CHST11: variants seen among roughly 807,000 people sequenced by gnomAD.
CHST11 encodes C4S-1.
In CHST11, 9 loss-of-function variants were observed where a neutral mutation model predicts 30.4. The ratio of observed to expected loss-of-function variants is 0.30; its 90% CI spans 0.18 to 0.52. The LOEUF is 0.52. Ranked by LOEUF, CHST11 falls within the 20% of genes least tolerant of loss-of-function variation. The pLI, the probability that CHST11 is intolerant of heterozygous loss-of-function variation, is 0.97. For missense variants in CHST11, 348 were observed against 460.6 expected (o/e 0.76, Z 2.24); for synonymous variants, 152 against 187.8 (o/e 0.81, Z 1.56).
rs2040511351 is a variant in CHST11 at position 104,760,089 on chromosome 12, A to C, written c.*2286A>C. On this transcript the variant is annotated 3_prime_UTR_variant, in exon 3 of 3. Transcript: ENST00000303694. ...TGTGTGCTGTGCATGGTGAATCCCC[A>C]AAAATAATCCTTGAGTCTGTAGCAT... 6.6e-6 allele frequency: 1 copy of C among 152,134 alleles called. No individual in the cohort carries two copies. Among genetic ancestry groups the C allele is most frequent in the Non-Finnish European group, 1.5e-5 (1 of 68,026 alleles). The allele number at this position is 152,134 out of a possible 1,614,324, so 9.4% of individuals were successfully genotyped here. A position where few individuals can be genotyped will look rare whatever the true frequency, so the allele number is the denominator to read the frequency against.
At chr12:104,679,318 G>C (rs1443631097) in intron 2 of CHST11, among the ~76,000 whole-genome samples, 1 of 152,112 alleles carries the variant, frequency 6.6e-6, no homozygotes, top group African/African-American at 2.4e-5. Flanking sequence ...GCCCCCACCG[G>C]CCAGGAGAGA....
intron 2 of CHST11, among the ~76,000 whole-genome samples, chr12:104,679,768 A>G (rs576364651): frequency 1.3e-5 from 2 of 152,274 alleles, no homozygotes; most frequent in Admixed American, 6.5e-5. Context: ...GAAAGACGCA[A>G]TGGAGCCCCG....
At chr12:104,675,859 G>C (rs1175613999) in intron 2 of CHST11, among the ~76,000 whole-genome samples, 1 of 152,202 alleles carries the variant, frequency 6.6e-6, no homozygotes, top group African/African-American at 2.4e-5. Context: ...CAAGGACTCT[G>C]ACAGAGGTAC....
intron 2 of CHST11, among the ~76,000 whole-genome samples, chr12:104,616,003 T>C (rs1411088005): frequency 6.6e-6 from 1 of 152,134 alleles, no homozygotes; most frequent in African/African-American, 2.4e-5. Context: ...AATCCGGACA[T>C]GTGAAGTGCT....
chr12:104,494,759 G>A lies in CHST11; in HGVS notation c.118+37230G>A, dbSNP rs189908744. Reference sequence around the variant, plus strand: ...TTTTGTAAAACACTTAAACAATTCAGGGTGTTTTGTTTTGTGGGTAGATTT... The same window carrying A: ...TTTTGTAAAACACTTAAACAATTCAAGGTGTTTTGTTTTGTGGGTAGATTT... On this transcript the variant is annotated intron_variant, in intron 1 of 2. Transcript: ENST00000303694. Among the ~76,000 whole-genome samples, 5 of 152,206 alleles carry A rather than the reference G, an allele frequency of 3.3e-5. No individual in the cohort carries two copies. In the East Asian group the frequency reaches 9.6e-4, roughly 29 times the overall value.
chr12:104,500,520 A>G (rs2037843123), intron 1 of CHST11, among the ~76,000 whole-genome samples: 1 of 150,242 alleles, frequency 6.7e-6, no homozygotes, highest in South Asian at 2.1e-4. Context: ...CACGAGACTT[A>G]TTCGTTTTTT....
chr12:104,507,305 C>T (rs2135978838), intron 1 of CHST11, among the ~76,000 whole-genome samples: 1 of 152,314 alleles, frequency 6.6e-6, no homozygotes, highest in African/African-American at 2.4e-5. Flanking sequence ...TCTCCCAGCC[C>T]AGTGGCCCCA....
chr12:104,641,223 T>C (rs2559644), intron 2 of CHST11, among the ~76,000 whole-genome samples: 28,045 of 152,136 alleles, frequency 0.18, 2,667 homozygotes, highest in Non-Finnish European at 0.2. Context: ...TGTGACCTCA[T>C]TCCTCCTGGA....
At position 104,559,961 on chromosome 12, in the gene CHST11, A is replaced by T. The variant is rs185787167; in HGVS notation, c.119-41945A>T. Among the ~76,000 whole-genome samples the T allele has an allele frequency of 1.4e-3, 217 of 152,308 alleles. 2 individuals carry two copies. Among genetic ancestry groups the T allele is most frequent in the Non-Finnish European group, 2.8e-3 (188 of 68,018 alleles). On this transcript the variant is annotated intron_variant, in intron 1 of 2. Transcript: ENST00000303694. ...GCACCAACCTAATATTTTGGAAGGT[A>T]CCGTTGAGGAAGTCTTCCCTGAAGG...
intron 1 of CHST11, among the ~76,000 whole-genome samples, chr12:104,536,923 C>G (rs148058292): frequency 6.6e-6 from 1 of 152,146 alleles, no homozygotes; most frequent in African/African-American, 2.4e-5. Flanking sequence ...CCATCTGTAC[C>G]TTAAGATCCT....
rs571483744 is a variant in CHST11 at position 104,613,284 on chromosome 12, T to G, written c.204+11293T>G. 4.2e-3 allele frequency among the ~76,000 whole-genome samples: 632 copies of G among 151,922 alleles called. 4 individuals carry two copies. Among genetic ancestry groups the G allele is most frequent in the Non-Finnish European group, 7.3e-3 (495 of 67,930 alleles). On this transcript the variant is annotated intron_variant, in intron 2 of 2. Transcript: ENST00000303694. ...AGAAAATGTGAGTGAGATAGATAGA[T>G]AGATAGATATAGATATATAGATACA...
intron 1 of CHST11, among the ~76,000 whole-genome samples, chr12:104,563,100 G>C (rs543664635): frequency 6.6e-6 from 1 of 152,246 alleles, no homozygotes; most frequent in East Asian, 1.9e-4. Context: ...GAGTGCAGTG[G>C]CATGATCTTG....
intron 2 of CHST11, among the ~76,000 whole-genome samples, chr12:104,632,239 AT>A (rs1471999865): frequency 6.6e-6 from 1 of 151,898 alleles, no homozygotes; most frequent in Non-Finnish European, 1.5e-5. Context: ...TGGGGGAAGG[AT>A]GGGGCACCAC....
chr12:104,497,938 A>T (rs1250706985), intron 1 of CHST11, among the ~76,000 whole-genome samples: 1 of 82,196 alleles, frequency 1.2e-5, no homozygotes. Context: ...TTTTTTTGAG[A>T]CAGAGTCTCA....
At chr12:104,496,904 C>T (rs143043471) in intron 1 of CHST11, among the ~76,000 whole-genome samples, 4 of 152,200 alleles carry the variant, frequency 2.6e-5, no homozygotes, top group Non-Finnish European at 4.4e-5. Flanking sequence ...GGAAGAGGGG[C>T]CTGCTTGACT....
intron 1 of CHST11, among the ~76,000 whole-genome samples, chr12:104,525,639 T>G (rs2038117793): frequency 6.6e-6 from 1 of 152,108 alleles, no homozygotes; most frequent in South Asian, 2.1e-4. Flanking sequence ...GAAGCGAGAG[T>G]AAAGATTTGC....
Position 104,761,620 on chromosome 12 carries a change from C to G in CHST11, c.*3817C>G. On this transcript the variant is annotated 3_prime_UTR_variant, in exon 3 of 3. Coordinates refer to ENST00000303694, the MANE Select transcript of CHST11 (RefSeq NM_018413.6). Reference sequence around the variant, plus strand: ...TTCCCACCACCAGCATTTCCTCCAACCTTTTTCCATCACAACCAGTTAGAA... The same window carrying G: ...TTCCCACCACCAGCATTTCCTCCAAGCTTTTTCCATCACAACCAGTTAGAA... The G allele has an allele frequency of 6.6e-6, 1 of 152,554 alleles. No individual in the cohort carries two copies. The highest frequency in any genetic ancestry group is 3.4e-3 in the Middle Eastern group (1 of 296). 9.5% of individuals were successfully genotyped at this position (152,554 alleles called of 1,614,324 possible). A position where few individuals can be genotyped will look rare whatever the true frequency, so the allele number is the denominator to read the frequency against.
At position 104,606,342 on chromosome 12, in the gene CHST11, G is replaced by A. The variant is rs143837355; in HGVS notation, c.204+4351G>A. On this transcript the variant is annotated intron_variant, in intron 2 of 2. Transcript: ENST00000303694. Reference sequence around the variant, plus strand: ...GGAAGCAGGATGAGGAGGAGGATGAGGAGGGAGAAGGAAGGTCGGAAGGAA... The same window carrying A: ...GGAAGCAGGATGAGGAGGAGGATGAAGAGGGAGAAGGAAGGTCGGAAGGAA... Among the ~76,000 whole-genome samples the A allele has an allele frequency of 6.3e-3, 955 of 151,926 alleles. 6 individuals are homozygous for A. Among genetic ancestry groups the A allele is most frequent in the Non-Finnish European group, 0.011 (739 of 67,942 alleles).
intron 1 of CHST11, among the ~76,000 whole-genome samples, chr12:104,525,079 C>A (rs1327129985): frequency 2.0e-5 from 3 of 149,728 alleles, no homozygotes. Flanking sequence ...ATTAAGGTAT[C>A]CAATGGAATT....
Sources: gnomAD v4.1 joint callset for allele counts (sites outside exome capture counted in the v4.1 genomes callset) on GRCh38, gnomAD v4.1.1 for gene constraint, MANE v1.5 for transcripts, NCBI Gene and HGNC (gene_info 2026-07-23, HGNC 2026-07-21) for gene names.